The following PTPRD variants were observed in gnomAD, a reference collection of about 807,000 sequenced individuals.
The protein encoded by PTPRD is protein tyrosine phosphatase receptor type D, also known as receptor-type tyrosine-protein phosphatase delta.
PTPRD carries 34 observed loss-of-function variants against 214.5 expected under a neutral mutation model. That is an observed-to-expected ratio of 0.16 (90% confidence interval 0.12 to 0.21). The LOEUF (loss-of-function observed/expected upper bound fraction) is 0.21. Among genes scored for constraint, PTPRD ranks in the 10% least tolerant of loss-of-function variants. The pLI is 1.00. For synonymous variants in PTPRD, 1,128 were observed against 845.7 expected, an observed-to-expected ratio of 1.33 and a Z score of -5.79; for missense variants, 2,545 against 2,398.7, an observed-to-expected ratio of 1.06 and a Z score of -1.27.
chr9:10,542,782 G>C (rs2059398117), intron 2 of PTPRD, among the ~76,000 whole-genome samples: 1 of 151,972 alleles, frequency 6.6e-6, no homozygotes. Flanking sequence ...GCAATGGTGT[G>C]ATCTTGGCTC....
In PTPRD at chr9:9,977,616, G is replaced by A. The variant is rs573387220; in HGVS notation, c.-471-39006C>T. On this transcript the variant is annotated intron_variant, in intron 4 of 45. Coordinates refer to ENST00000381196, the MANE Select transcript of PTPRD (RefSeq NM_002839.4). ...TAACAACTTGGCTTAAAAATGATAA[G>A]TGAACGCAATAAAAATTGCCATGAG... Among the ~76,000 whole-genome samples the A allele has an allele frequency of 5.2e-4, 79 of 152,226 alleles. No homozygotes were observed. The South Asian group carries it at 8.3e-3, about 16-fold the overall frequency.
chr9:10,228,141 TAG>T (rs2099595392), intron 3 of PTPRD, among the ~76,000 whole-genome samples: 1 of 105,122 alleles, frequency 9.5e-6, no homozygotes, highest in African/African-American at 2.7e-5. Context: ...TCCAAAGTTC[TAG>T]ATACTTCATT....
At chr9:8,641,545 C>T (rs933301858) in intron 12 of PTPRD, among the ~76,000 whole-genome samples, 14 of 148,306 alleles carry the variant, frequency 9.4e-5, no homozygotes, top group Admixed American at 2.0e-4. Context: ...AATTACTGGT[C>T]AACCCAGAAA....
At chr9:10,047,772 A>T (rs564593677) in intron 3 of PTPRD, among the ~76,000 whole-genome samples, 2 of 152,266 alleles carry the variant, frequency 1.3e-5, no homozygotes, top group South Asian at 4.1e-4. Context: ...GACCATAGGC[A>T]ATTCATTTAA....
At chr9:9,278,660 T>C (rs1946548379) in intron 9 of PTPRD, among the ~76,000 whole-genome samples, 1 of 151,360 alleles carries the variant, frequency 6.6e-6, no homozygotes, top group South Asian at 2.1e-4. Context: ...GGCCTGCCTA[T>C]ACAACATCTA....
At chr9:10,318,590 G>A (rs2096490257) in intron 3 of PTPRD, among the ~76,000 whole-genome samples, 1 of 151,956 alleles carries the variant, frequency 6.6e-6, no homozygotes, top group African/African-American at 2.4e-5. Flanking sequence ...GGAGTCCACA[G>A]AAGGGAGTTC....
intron 14 of PTPRD, among the ~76,000 whole-genome samples, chr9:8,543,686 T>C (rs2079070447): frequency 6.6e-6 from 1 of 152,212 alleles, no homozygotes; most frequent in Admixed American, 6.5e-5. Flanking sequence ...TCAAGAATGT[T>C]TCCCCAGTGG....
chr9:8,797,739 T>C (rs766484978), intron 11 of PTPRD, among the ~76,000 whole-genome samples: 2 of 152,226 alleles, frequency 1.3e-5, no homozygotes, highest in Non-Finnish European at 2.9e-5. Flanking sequence ...TAAAGATATT[T>C]GCATATTTGT....
At chr9:9,945,046 T>C (rs1302770082) in intron 4 of PTPRD, among the ~76,000 whole-genome samples, 1 of 152,090 alleles carries the variant, frequency 6.6e-6, no homozygotes, top group East Asian at 1.9e-4. Flanking sequence ...GTAAAAAGAA[T>C]TTGTGAGCAG....
intron 8 of PTPRD, among the ~76,000 whole-genome samples, chr9:9,428,594 A>G (rs2081925815): frequency 6.6e-6 from 1 of 152,206 alleles, no homozygotes; most frequent in Non-Finnish European, 1.5e-5. Context: ...AATCAACAGA[A>G]TATACATTCT....
intron 14 of PTPRD, among the ~76,000 whole-genome samples, chr9:8,614,053 T>C (rs1025194866): frequency 1.3e-5 from 2 of 151,086 alleles, no homozygotes; most frequent in African/African-American, 4.9e-5. Context: ...TGTTCTGTTA[T>C]TTGATATAGT....
intron 14 of PTPRD, among the ~76,000 whole-genome samples, chr9:8,625,982 A>C (rs1022073445): frequency 2.0e-5 from 3 of 151,730 alleles, no homozygotes; most frequent in Non-Finnish European, 4.4e-5. Context: ...TGTTTTTTTA[A>C]TAAGATATAA....
chr9:9,933,500 A>T (rs1165700722), intron 5 of PTPRD, among the ~76,000 whole-genome samples: 3 of 151,810 alleles, frequency 2.0e-5, no homozygotes, highest in Non-Finnish European at 2.9e-5. Flanking sequence ...CATAGTGGTA[A>T]AGGGATCAAT....
Position 9,383,126 on chromosome 9 carries a change from T to C in PTPRD, c.-203+14323A>G, listed in dbSNP as rs74541923. On this transcript the variant is annotated intron_variant, in intron 9 of 45. Transcript: ENST00000381196. ...ATTTTTAGATCAAAATAACTTTTTA[T>C]GAAATCCTACCATTTTTCTTTTGTG... Among the ~76,000 whole-genome samples the C allele has an allele frequency of 4.2e-3, 635 of 152,178 alleles. 3 individuals carry two copies. Among genetic ancestry groups the C allele is most frequent in the African/African-American group, 0.014 (602 of 41,558 alleles).
intron 10 of PTPRD, among the ~76,000 whole-genome samples, chr9:9,126,090 TA>T (rs2099832412): frequency 6.6e-6 from 1 of 152,140 alleles, no homozygotes; most frequent in African/African-American, 2.4e-5. Flanking sequence ...GGTGCCAGAT[TA>T]TACAGAGCTT....
intron 12 of PTPRD, among the ~76,000 whole-genome samples, chr9:8,696,494 T>C (rs896030209): frequency 2.0e-5 from 3 of 152,072 alleles, no homozygotes; most frequent in South Asian, 2.1e-4. Context: ...GGACGTGTTA[T>C]GAATTAGATA....
intron 9 of PTPRD, among the ~76,000 whole-genome samples, chr9:9,207,483 T>C (rs971480844): frequency 6.6e-6 from 1 of 151,464 alleles, no homozygotes; most frequent in East Asian, 1.9e-4. Context: ...AAAAGCCAAA[T>C]AAAAATATAA....
intron 2 of PTPRD, among the ~76,000 whole-genome samples, chr9:10,412,024 T>C (rs1026893841): frequency 2.6e-5 from 4 of 151,816 alleles, no homozygotes; most frequent in Non-Finnish European, 5.9e-5. Context: ...AAAATGAATT[T>C]CATAACTTTT....
At chr9:9,057,768 T>C (rs962515239) in intron 10 of PTPRD, among the ~76,000 whole-genome samples, 1 of 152,204 alleles carries the variant, frequency 6.6e-6, no homozygotes, top group Non-Finnish European at 1.5e-5. Flanking sequence ...GAGCTTTTTG[T>C]GCATAATTTA....
Sources: gnomAD v4.1 joint callset for allele counts (sites outside exome capture counted in the v4.1 genomes callset) on GRCh38, gnomAD v4.1.1 for gene constraint, MANE v1.5 for transcripts, NCBI Gene and HGNC (gene_info 2026-07-23, HGNC 2026-07-21) for gene names.